MRPL1: variants seen among roughly 807,000 people sequenced by gnomAD.
MRPL1 encodes large ribosomal subunit protein uL1m.
MRPL1 carries 28 observed loss-of-function variants against 38.0 expected under a neutral mutation model. The observed-to-expected ratio is 0.74, with a 90% confidence interval of 0.55 to 1.01. MRPL1 has a LOEUF of 1.01. Ranked by LOEUF, MRPL1 falls within the 50% of genes least tolerant of loss-of-function variation. The pLI, the probability that MRPL1 is intolerant of heterozygous loss-of-function variation, is 0.00. For missense variants in MRPL1, 358 were observed against 389.8 expected, an observed-to-expected ratio of 0.92 and a Z score of 0.69; for synonymous variants, 123 against 126.7, an observed-to-expected ratio of 0.97 and a Z score of 0.20.
intron 7 of MRPL1, among the ~76,000 whole-genome samples, chr4:77,946,168 T>A (rs1038857698): frequency 1.3e-5 from 2 of 152,128 alleles, no homozygotes; most frequent in African/African-American, 4.8e-5. Context: ...GCAATTCTTT[T>A]CCTAGGGTCT....
intron 2 of MRPL1, among the ~76,000 whole-genome samples, chr4:77,878,493 T>G (rs1735453189): frequency 6.6e-6 from 1 of 152,196 alleles, no homozygotes. Context: ...TGTAAAGGAT[T>G]CTTCAGCCTT....
intron 7 of MRPL1, among the ~76,000 whole-genome samples, chr4:77,947,898 ATAAAAGTATAAACTG>A (rs1312622563): frequency 9.2e-5 from 14 of 152,236 alleles, no homozygotes; most frequent in Non-Finnish European, 2.1e-4. Context: ...TAAAATTTGA[ATAAAAGTATAAACTG>A]TGTTTTAAAA....
intron 1 of MRPL1, among the ~76,000 whole-genome samples, chr4:77,870,082 TG>T (rs1735240847): frequency 6.6e-6 from 1 of 151,524 alleles, no homozygotes; most frequent in African/African-American, 2.4e-5. Context: ...TTTGTAGAGA[TG>T]GGGTTCCACT....
chr4:77,916,631 T>C (rs940408463), intron 7 of MRPL1, among the ~76,000 whole-genome samples: 2 of 152,174 alleles, frequency 1.3e-5, no homozygotes, highest in East Asian at 1.9e-4. Context: ...TTCAAATATA[T>C]AGTATGAATG....
intron 2 of MRPL1, among the ~76,000 whole-genome samples, chr4:77,881,507 A>G (rs1735540714): frequency 6.7e-6 from 1 of 148,764 alleles, no homozygotes. Context: ...GCACTGACAT[A>G]ATCAGCTCAC....
At chr4:77,902,489 A>C (rs1235465314) in intron 6 of MRPL1, among the ~76,000 whole-genome samples, 1 of 152,126 alleles carries the variant, frequency 6.6e-6, no homozygotes, top group Non-Finnish European at 1.5e-5. Context: ...AATTAAACCC[A>C]AATTAAGTAC....
intron 6 of MRPL1, among the ~76,000 whole-genome samples, chr4:77,903,012 G>A (rs571481609): frequency 6.6e-6 from 1 of 152,100 alleles, no homozygotes; most frequent in Non-Finnish European, 1.5e-5. Flanking sequence ...TATGAGCTCT[G>A]CATTACCCTG....
Position 77,952,692 on chromosome 4 carries a change from CTTG to C in MRPL1, c.*88_*90del. Reference sequence around the variant, plus strand: ...ACAGCATAATTTTTACATTTGATGTCTTGTTATTGATCATACTTGAAAGTGAAC... The same window carrying C: ...ACAGCATAATTTTTACATTTGATGTCTTATTGATCATACTTGAAAGTGAAC... On this transcript the variant is annotated 3_prime_UTR_variant, in exon 9 of 9. Coordinates refer to ENST00000315567, the MANE Select transcript of MRPL1 (RefSeq NM_020236.4). 6 of 799,220 alleles carry C rather than the reference CTTG, an allele frequency of 7.5e-6. No homozygotes were observed. The highest frequency in any genetic ancestry group is 3.4e-5 in the South Asian group (2 of 59,524). 49.5% of individuals were successfully genotyped at this position (799,220 alleles called of 1,614,324 possible).
chr4:77,876,935 T>G (rs1735408751), intron 2 of MRPL1, among the ~76,000 whole-genome samples: 3 of 152,170 alleles, frequency 2.0e-5, no homozygotes, highest in Admixed American at 2.0e-4. Flanking sequence ...AGTTTTGCTC[T>G]TTTTGCCCAG....
At chr4:77,952,037 G>T (rs1737423653) in intron 8 of MRPL1, among the ~76,000 whole-genome samples, 1 of 152,194 alleles carries the variant, frequency 6.6e-6, no homozygotes, top group Non-Finnish European at 1.5e-5. Context: ...AAAGCACTCA[G>T]TGAGGCAACC....
intron 7 of MRPL1, among the ~76,000 whole-genome samples, chr4:77,923,768 T>C (rs1736644499): frequency 6.6e-6 from 1 of 152,052 alleles, no homozygotes; most frequent in Non-Finnish European, 1.5e-5. Context: ...AAATCCCGTC[T>C]CTACCAAAAA....
rs1737439896 is a variant in MRPL1, at chr4:77,952,784, A to G, written c.*177A>G. ...GAAAATAAAATTTTCTCTTTGTCTG[A>G]ACCTGCCTTTTAGACCCTGTGACAT... On this transcript the variant is annotated 3_prime_UTR_variant, in exon 9 of 9. Transcript: ENST00000315567. The G allele has an allele frequency of 1.9e-6, 1 of 524,220 alleles. No individual in the cohort carries two copies. The highest frequency in any genetic ancestry group is 2.4e-5 in the South Asian group (1 of 42,546). The allele number at this position is 524,220 out of a possible 1,614,324, so 32.5% of individuals were successfully genotyped here. A position where few individuals can be genotyped will look rare whatever the true frequency, so the allele number is the denominator to read the frequency against.
At chr4:77,947,581 C>T (rs1737299340) in intron 7 of MRPL1, among the ~76,000 whole-genome samples, 1 of 152,162 alleles carries the variant, frequency 6.6e-6, no homozygotes, top group Non-Finnish European at 1.5e-5. Context: ...CATGGGAAAG[C>T]ACTATTGGAA....
chr4:77,862,886 C>T lies in MRPL1; in HGVS notation c.31+7C>T, dbSNP rs774188449. On this transcript the variant is annotated splice_region_variant and intron_variant, in intron 1 of 8. Coordinates refer to ENST00000315567, the MANE Select transcript of MRPL1 (RefSeq NM_020236.4). ...GTAAGGTGCATGGGTAGAGGTAAGG[C>T]GAGGGGTTGTCTTGCAGGGGAAATG... 2 of 1,613,882 alleles carry T rather than the reference C, an allele frequency of 1.2e-6. No homozygotes were observed. The highest frequency in any genetic ancestry group is 4.5e-5 in the East Asian group (2 of 44,884).
chr4:77,865,490 C>T lies in MRPL1; in HGVS notation c.31+2611C>T, dbSNP rs1346920077. On this transcript the variant is annotated intron_variant, in intron 1 of 8. Transcript: ENST00000315567. The stretch of plus-strand genomic sequence containing the variant: ...AGGCTAGAGTGCAGTGGCCCGGTCA[C>T]GGCTCACTGCAGCCTTGACCTCTGG... Among the ~76,000 whole-genome samples the T allele has an allele frequency of 4.6e-5, 7 of 151,684 alleles. No individual in the cohort carries two copies. The East Asian group carries it at 5.8e-4, about 13-fold the overall frequency.
At chr4:77,932,992 C>T (rs1016280381) in intron 7 of MRPL1, among the ~76,000 whole-genome samples, 3 of 151,964 alleles carry the variant, frequency 2.0e-5, no homozygotes, top group African/African-American at 7.3e-5. Flanking sequence ...TGCTGTGTTG[C>T]CAAGGTTGGA....
chr4:77,881,093 A>C (rs1289151521), intron 2 of MRPL1, among the ~76,000 whole-genome samples: 1 of 152,246 alleles, frequency 6.6e-6, no homozygotes, highest in Non-Finnish European at 1.5e-5. Flanking sequence ...GAGCAGGGAA[A>C]CTGTCATCTT....
At chr4:77,920,682 G>A (rs577272656) in intron 7 of MRPL1, among the ~76,000 whole-genome samples, 1 of 152,122 alleles carries the variant, frequency 6.6e-6, no homozygotes, top group South Asian at 2.1e-4. Flanking sequence ...TTTATGTCCC[G>A]AACAAATTCT....
intron 7 of MRPL1, among the ~76,000 whole-genome samples, chr4:77,919,835 TTA>T (rs34248907): frequency 1.9e-4 from 28 of 149,702 alleles, no homozygotes; most frequent in East Asian, 5.8e-4. Flanking sequence ...CAGATCCATG[TTA>T]TATATATATA....
Sources: gnomAD v4.1 joint callset for allele counts (sites outside exome capture counted in the v4.1 genomes callset) on GRCh38, gnomAD v4.1.1 for gene constraint, MANE v1.5 for transcripts, NCBI Gene and HGNC (gene_info 2026-07-23, HGNC 2026-07-21) for gene names.